ACKR1: variants seen among roughly 807,000 people sequenced by gnomAD.
ACKR1 encodes atypical chemokine receptor 1 (Duffy blood group), also known as atypical chemokine receptor 1.
ACKR1 carries 3 observed loss-of-function variants against 2.5 expected under a neutral mutation model. That is an observed-to-expected ratio of 1.18 (90% CI 0.54 to 3.06). ACKR1 has a LOEUF of 3.06. ACKR1 is among the 30% of genes most tolerant of loss of function. The pLI, the probability that ACKR1 is intolerant of heterozygous loss-of-function variation, is 0.03. For synonymous variants in ACKR1, 208 were observed against 178.2 expected, an observed-to-expected ratio of 1.17 and a Z score of -1.33; for missense variants, 438 against 395.2, an observed-to-expected ratio of 1.11 and a Z score of -0.92.
chr1:159,205,476 T>A lies in ACKR1; in HGVS notation c.37T>A (p.Ser13Thr), dbSNP rs1049386788. 2 of 1,611,496 alleles carry A rather than the reference T, an allele frequency of 1.2e-6. No individual in the cohort carries two copies. The highest frequency in any genetic ancestry group is 1.7e-6 in the Non-Finnish European group (2 of 1,178,508). Residue 13 changes from serine (S) to threonine (T), a missense_variant, in exon 2 of 2, where the codon TCA becomes ACA. By Grantham distance (58) the Ser-to-Thr change is moderately conservative. Coordinates refer to ENST00000368122, the MANE Select transcript of ACKR1 (RefSeq NM_002036.4). ...NCLHRAELSP[S>T]TENSSQLDFE... ...TGTCCTCCAGGCGGAGCTCTCCCCC[T>A]CAACTGAGAACTCAAGTCAGCTGGA...
chr1:159,206,440 G>A lies in ACKR1; in HGVS notation c.1001G>A (p.Ser334Asn), dbSNP rs1650457341. Reference sequence around the variant, plus strand: ...TCTTCTCATCTGGACACCCTTGGAAGCAAATCCTAGTTCTCTTCCCACCTG... The same window carrying A: ...TCTTCTCATCTGGACACCCTTGGAAACAAATCCTAGTTCTCTTCCCACCTG... ...GWSSHLDTLG[S>N]KS Residue 334 changes from serine (S) to asparagine (N), a missense_variant, in exon 2 of 2, where the codon AGC becomes AAC. Transcript: ENST00000368122. The A allele has an allele frequency of 1.2e-6, 2 of 1,611,486 alleles. No individual in the cohort carries two copies. Among genetic ancestry groups the A allele is most frequent in the Non-Finnish European group, 1.7e-6 (2 of 1,178,154 alleles).
rs776671488 is a variant in ACKR1 at position 159,205,664 on chromosome 1, T to A, written c.225T>A (p.Ala75=). ...TCACCAGTGTCCTGGGTATCCTAGC[T>A]AGCAGCACTGTCCTCTTCATGCTTT... ...FILTSVLGIL[A]SSTVLFMLFR... The change falls in exon 2 of 2, where the codon GCT becomes GCA. Residue 75 remains alanine, a synonymous_variant. Transcript: ENST00000368122. 1 of 1,614,214 alleles carries A rather than the reference T, an allele frequency of 6.2e-7. No individual in the cohort carries two copies. Among genetic ancestry groups the A allele is most frequent in the Admixed American group, 1.7e-5 (1 of 60,030 alleles).
In ACKR1 at chr1:159,205,938, C is replaced by G. The variant is rs1184827981; in HGVS notation, c.499C>G (p.Leu167Val). 1 of 1,613,976 alleles carries G rather than the reference C, an allele frequency of 6.2e-7. No homozygotes were observed. The highest frequency in any genetic ancestry group is 8.5e-7 in the Non-Finnish European group (1 of 1,179,984). The change falls in exon 2 of 2, where the codon CTG becomes GTG. Residue 167 changes from leucine (L) to valine (V), a missense_variant. Transcript: ENST00000368122. ...TGCAGGCCAGGTCCCAGGCCTCACCCTGGGGCTCACTGTGGGAATTTGGGG... is the reference window on the plus strand; with the variant it reads ...TGCAGGCCAGGTCCCAGGCCTCACCGTGGGGCTCACTGTGGGAATTTGGGG... ...LGAGQVPGLT[L>V]GLTVGIWGVA...
Position 159,206,145 on chromosome 1 carries a change from G to C in ACKR1, c.706G>C (p.Gly236Arg). Residue 236 changes from glycine (G) to arginine (R), a missense_variant, in exon 2 of 2, where the codon GGT becomes CGT. By Grantham distance (125) the Gly-to-Arg change is moderately radical (BLOSUM62 -2). Coordinates refer to ENST00000368122, the MANE Select transcript of ACKR1 (RefSeq NM_002036.4). ...FGAKGLKKALGMGPGPWMNIL... is the reference protein window; with the variant it reads ...FGAKGLKKALRMGPGPWMNIL... ...AGCCAAGGGGCTGAAGAAGGCATTG[G>C]GTATGGGGCCAGGCCCCTGGATGAA... is the stretch of plus-strand genomic sequence containing the variant. 6.2e-7 allele frequency: 1 copy of C among 1,614,212 alleles called. No homozygotes were observed. Among genetic ancestry groups the C allele is most frequent in the Non-Finnish European group, 8.5e-7 (1 of 1,180,046 alleles).
Position 159,206,352 on chromosome 1 carries a change from G to A in ACKR1, c.913G>A (p.Ala305Thr), listed in dbSNP as rs1216886104. 11 of 1,614,192 alleles carry A rather than the reference G, an allele frequency of 6.8e-6. No homozygotes were observed. Among genetic ancestry groups the A allele is most frequent in the East Asian group, 4.5e-5 (2 of 44,878 alleles). The change falls in exon 2 of 2, where the codon GCC becomes ACC. Residue 305 changes from alanine (A) to threonine (T), a missense_variant. Transcript: ENST00000368122. ...CTGTGTGGCTACGCCCCTGCTCCTC[G>A]CCCTATTCTGCCACCAGGCCACCCG... The part of the protein sequence containing the change: ...LHCVATPLLL[A>T]LFCHQATRTL...
Position 159,206,427 on chromosome 1 carries a change from GAC to G in ACKR1, c.991_992del (p.Thr331ProfsTer16). On this transcript the variant is annotated frameshift_variant, in exon 2 of 2. Coordinates refer to ENST00000368122, the MANE Select transcript of ACKR1 (RefSeq NM_002036.4). LOFTEE classifies it high-confidence loss of function. ...CCCTGAAGGATGGTCTTCTCATCTG[GAC>G]ACCCTTGGAAGCAAATCCTAGTTCT... The part of the protein sequence containing the change: ...PLPEGWSSHL[D>X]TLGSKS The G allele has an allele frequency of 6.2e-7, 1 of 1,613,538 alleles. No individual in the cohort carries two copies. Among genetic ancestry groups the G allele is most frequent in the Non-Finnish European group, 8.5e-7 (1 of 1,179,600 alleles).
chr1:159,204,896 T>A lies in ACKR1; in HGVS notation c.-64T>A. On this transcript the variant is annotated 5_prime_UTR_variant, in exon 1 of 2. Coordinates refer to ENST00000368122, the MANE Select transcript of ACKR1 (RefSeq NM_002036.4). ...CCTCATTAGTCCTTGGCTCTTATCT[T>A]GGAAGCACAGGCGCTGACAGCCGTC... is the stretch of plus-strand genomic sequence containing the variant. 6.2e-7 allele frequency: 1 copy of A among 1,608,888 alleles called. No individual in the cohort carries two copies.
chr1:159,206,147 T>C lies in ACKR1; in HGVS notation c.708T>C (p.Gly236=), dbSNP rs148074680. 2.4e-5 allele frequency: 38 copies of C among 1,614,178 alleles called. No homozygotes were observed. In the African/African-American group the frequency reaches 4.3e-4, roughly 18 times the overall value. Residue 236 remains glycine (G), a synonymous_variant, in exon 2 of 2, where the codon GGT becomes GGC. Coordinates refer to ENST00000368122, the MANE Select transcript of ACKR1 (RefSeq NM_002036.4). ...CCAAGGGGCTGAAGAAGGCATTGGG[T>C]ATGGGGCCAGGCCCCTGGATGAATA... The part of the protein sequence containing the change: ...FGAKGLKKAL[G]MGPGPWMNIL...
rs753253714 is a variant in ACKR1 at position 159,206,237 on chromosome 1, G to A, written c.798G>A (p.Val266=). Residue 266 remains valine (V), a synonymous_variant, in exon 2 of 2, where the codon GTG becomes GTA. Transcript: ENST00000368122. ...TGGTTCTAGGACTGGATTTCCTGGTGAGGTCCAAGCTGTTGCTGTTGTCAA... is the reference window on the plus strand; with the variant it reads ...TGGTTCTAGGACTGGATTTCCTGGTAAGGTCCAAGCTGTTGCTGTTGTCAA... ...HGVVLGLDFL[V]RSKLLLLSTC... 2 of 1,614,230 alleles carry A rather than the reference G, an allele frequency of 1.2e-6. No homozygotes were observed. The highest frequency in any genetic ancestry group is 1.7e-6 in the Non-Finnish European group (2 of 1,180,046).
Position 159,205,628 on chromosome 1 carries a change from C to T in ACKR1, c.189C>T (p.Pro63=). ...ACCTGCTGGATGACTCTGCACTGCC[C>T]TTCTTCATCCTCACCAGTGTCCTGG... ...SCNLLDDSAL[P]FFILTSVLGI... The change falls in exon 2 of 2, where the codon CCC becomes CCT. Residue 63 remains proline (P), a synonymous_variant. Transcript: ENST00000368122. 2 of 1,614,178 alleles carry T rather than the reference C, an allele frequency of 1.2e-6. No homozygotes were observed. Among genetic ancestry groups the T allele is most frequent in the Non-Finnish European group, 1.7e-6 (2 of 1,180,012 alleles).
At position 159,205,506 on chromosome 1, in the gene ACKR1, G is replaced by C; in HGVS notation, c.67G>C (p.Glu23Gln). The C allele has an allele frequency of 6.2e-7, 1 of 1,614,006 alleles. No homozygotes were observed. The highest frequency in any genetic ancestry group is 8.5e-7 in the Non-Finnish European group (1 of 1,179,928). Residue 23 changes from glutamate to glutamine, a missense_variant, in exon 2 of 2, where the codon GAA becomes CAA. Transcript: ENST00000368122. The stretch of plus-strand genomic sequence containing the variant: ...TGAGAACTCAAGTCAGCTGGACTTC[G>C]AAGATGTATGGAATTCTTCCTATGG... Reference protein sequence around the residue: ...STENSSQLDFEDVWNSSYGVN... With the variant: ...STENSSQLDFQDVWNSSYGVN...
rs1326191396 is a variant in ACKR1, at chr1:159,205,954, G to T, written c.515G>T (p.Gly172Val). The T allele has an allele frequency of 6.2e-7, 1 of 1,614,122 alleles. No individual in the cohort carries two copies. The highest frequency in any genetic ancestry group is 1.3e-5 in the African/African-American group (1 of 75,072). Residue 172 changes from glycine to valine, a missense_variant, in exon 2 of 2, where the codon GGA becomes GTA. Coordinates refer to ENST00000368122, the MANE Select transcript of ACKR1 (RefSeq NM_002036.4). Reference sequence around the variant, plus strand: ...GGCCTCACCCTGGGGCTCACTGTGGGAATTTGGGGAGTGGCTGCCCTACTG... The same window carrying T: ...GGCCTCACCCTGGGGCTCACTGTGGTAATTTGGGGAGTGGCTGCCCTACTG... ...VPGLTLGLTV[G>V]IWGVAALLTL...
rs1650388562 is a variant in ACKR1, at chr1:159,204,980, G to T, written c.21G>T (p.Arg7Ser). The change falls in exon 1 of 2, where the codon AGG (arginine) becomes AGT (serine). Residue 7 changes from arginine (R) to serine (S), a missense_variant and splice_region_variant. Coordinates refer to ENST00000368122, the MANE Select transcript of ACKR1 (RefSeq NM_002036.4). MGNCLH[R>S]AELSPSTENS... Reference sequence around the variant, plus strand: ...GTGCCATGGGGAACTGTCTGCACAGGGTGAGTATGGGGCCAGGCCCCAGAG... The same window carrying T: ...GTGCCATGGGGAACTGTCTGCACAGTGTGAGTATGGGGCCAGGCCCCAGAG... 6.2e-7 allele frequency: 1 copy of T among 1,614,042 alleles called. No individual in the cohort carries two copies. The highest frequency in any genetic ancestry group is 1.1e-5 in the South Asian group (1 of 91,058).
At position 159,205,897 on chromosome 1, in the gene ACKR1, T is replaced by A; in HGVS notation, c.458T>A (p.Leu153Gln). 1 of 1,614,044 alleles carries A rather than the reference T, an allele frequency of 6.2e-7. No individual in the cohort carries two copies. The highest frequency in any genetic ancestry group is 8.5e-7 in the Non-Finnish European group (1 of 1,179,998). The change falls in exon 2 of 2, where the codon CTG becomes CAG. Residue 153 changes from leucine to glutamine, a missense_variant. Leu to Gln is a moderately radical substitution (Grantham distance 113, BLOSUM62 -2). Coordinates refer to ENST00000368122, the MANE Select transcript of ACKR1 (RefSeq NM_002036.4). ...QALLLGCHAS[L>Q]GHRLGAGQVP... ...TTGCTGCTAGGGTGCCATGCCTCCC[T>A]GGGCCACAGACTGGGTGCAGGCCAG... is the stretch of plus-strand genomic sequence containing the variant.
In ACKR1 at chr1:159,206,003, T is replaced by C. The variant is rs1650436181; in HGVS notation, c.564T>C (p.Ser188=). 1.2e-6 allele frequency: 2 copies of C among 1,614,202 alleles called. No individual in the cohort carries two copies. The highest frequency in any genetic ancestry group is 1.1e-5 in the South Asian group (1 of 91,084). ...ALLTLPVTLA[S]GASGGLCTLI... is the part of the protein sequence containing the mutation. ...TGACACTGCCTGTCACCCTGGCCAGTGGTGCTTCTGGTGGACTCTGCACCC... is the reference window on the plus strand; with the variant it reads ...TGACACTGCCTGTCACCCTGGCCAGCGGTGCTTCTGGTGGACTCTGCACCC... The change falls in exon 2 of 2, where the codon AGT becomes AGC. Residue 188 remains serine, a synonymous_variant. Coordinates refer to ENST00000368122, the MANE Select transcript of ACKR1 (RefSeq NM_002036.4).
At position 159,204,918 on chromosome 1, in the gene ACKR1, C is replaced by G. The variant is rs745541007; in HGVS notation, c.-42C>G. ...TCTTGGAAGCACAGGCGCTGACAGCCGTCCCAGCCCTTCTGTCTGCGGGCC... is the reference window on the plus strand; with the variant it reads ...TCTTGGAAGCACAGGCGCTGACAGCGGTCCCAGCCCTTCTGTCTGCGGGCC... On this transcript the variant is annotated 5_prime_UTR_variant, in exon 1 of 2. Coordinates refer to ENST00000368122, the MANE Select transcript of ACKR1 (RefSeq NM_002036.4). The G allele has an allele frequency of 6.2e-7, 1 of 1,613,746 alleles. No individual in the cohort carries two copies. Among genetic ancestry groups the G allele is most frequent in the Non-Finnish European group, 8.5e-7 (1 of 1,179,682 alleles).
At chr1:159,205,344 A>C in intron 1 of ACKR1, 117 bp from the exon 2 acceptor site, 2 of 1,279,594 alleles carry the variant, frequency 1.6e-6, no homozygotes, top group Non-Finnish European at 2.2e-6. Context: ...TGACTCCTGC[A>C]GAGACCTTGT....
At position 159,206,169 on chromosome 1, in the gene ACKR1, A is replaced by G; in HGVS notation, c.730A>G (p.Asn244Asp). Residue 244 changes from asparagine to aspartate, a missense_variant, in exon 2 of 2, where the codon AAT becomes GAT. Physicochemically the swap from Asn to Asp is conservative, Grantham distance 23 (BLOSUM62 1). Transcript: ENST00000368122. ...GGGTATGGGGCCAGGCCCCTGGATG[A>G]ATATCCTGTGGGCCTGGTTTATTTT... ...ALGMGPGPWM[N>D]ILWAWFIFWW... The G allele has an allele frequency of 6.2e-7, 1 of 1,614,184 alleles. No individual in the cohort carries two copies. Among genetic ancestry groups the G allele is most frequent in the Non-Finnish European group, 8.5e-7 (1 of 1,180,038 alleles).
At position 159,206,035 on chromosome 1, in the gene ACKR1, A is replaced by G; in HGVS notation, c.596A>G (p.Tyr199Cys). 1.2e-6 allele frequency: 2 copies of G among 1,614,176 alleles called. No individual in the cohort carries two copies. Among genetic ancestry groups the G allele is most frequent in the Non-Finnish European group, 8.5e-7 (1 of 1,180,018 alleles). The stretch of plus-strand genomic sequence containing the variant: ...TCTGGTGGACTCTGCACCCTGATAT[A>G]CAGCACGGAGCTGAAGGCTTTGCAG... ...GASGGLCTLI[Y>C]STELKALQAT... Residue 199 changes from tyrosine to cysteine, a missense_variant, in exon 2 of 2, where the codon TAC becomes TGC. By Grantham distance (194) the Tyr-to-Cys change is radical. Transcript: ENST00000368122.
Sources: gnomAD v4.1 joint callset for allele counts on GRCh38, gnomAD v4.1.1 for gene constraint, MANE v1.5 for transcripts, NCBI Gene and HGNC (gene_info 2026-07-23, HGNC 2026-07-21) for gene names.